Variants in C15orf39 observed in about 807,000 individuals in gnomAD.
The protein encoded by C15orf39 is PRMT2 interacting protein, also known as uncharacterized protein C15orf39.
Under a neutral mutation model 53.9 loss-of-function variants are expected in C15orf39, and 24 were observed. The ratio of observed to expected loss-of-function variants is 0.45; its 90% CI spans 0.32 to 0.63. The LOEUF is 0.63. Ranked by LOEUF, C15orf39 falls within the 20% of genes least tolerant of loss-of-function variation. The probability of loss-of-function intolerance (pLI) is 0.04; values close to 1 mark genes in which losing one functional copy is unlikely to be tolerated. For synonymous variants in C15orf39, 569 were observed against 576.5 expected (o/e 0.99, Z 0.19); for missense variants, 1,271 against 1,347.9 (o/e 0.94, Z 0.89).
chr15:75,204,753 G>A (rs1005093986), intron 1 of C15orf39, among the ~76,000 whole-genome samples: 4 of 152,122 alleles, frequency 2.6e-5, no homozygotes, highest in Non-Finnish European at 5.9e-5. Flanking sequence ...CAAATGATCC[G>A]CACACCTCGG....
chr15:75,206,980 A>G lies in C15orf39; in HGVS notation c.932A>G (p.Lys311Arg), dbSNP rs1169362230. ...CCACTGCAGCCTCTGGGGGGCCACA[A>G]GGGGACCGGGTACCAGGCTGGTGGG... ...ALPLQPLGGH[K>R]GTGYQAGGLG... is the part of the protein sequence containing the mutation. Residue 311 changes from lysine (K) to arginine (R), a missense_variant, in exon 2 of 3, where the codon AAG (lysine) becomes AGG (arginine). Lys to Arg is a conservative substitution (Grantham distance 26, BLOSUM62 2). Around this residue, in one of 2 missense-constraint regions of C15orf39, gnomAD observed 994 missense variants for 993.7 expected, o/e 1.00. Coordinates refer to ENST00000394987, the MANE Select transcript of C15orf39 (RefSeq NM_015492.5). The G allele has an allele frequency of 6.3e-7, 1 of 1,589,094 alleles. No individual in the cohort carries two copies. Among genetic ancestry groups the G allele is most frequent in the Admixed American group, 1.7e-5 (1 of 57,380 alleles).
At position 75,211,075 on chromosome 15, in the gene C15orf39, C is replaced by T; in HGVS notation, c.3103C>T (p.Pro1035Ser). The T allele has an allele frequency of 6.2e-7, 1 of 1,602,250 alleles. No individual in the cohort carries two copies. Among genetic ancestry groups the T allele is most frequent in the African/African-American group, 1.3e-5 (1 of 75,066 alleles). Residue 1035 changes from proline to serine, a missense_variant, in exon 3 of 3, where the codon CCC (proline) becomes TCC (serine). Physicochemically the swap from Pro to Ser is moderately conservative, Grantham distance 74. Coordinates refer to ENST00000394987, the MANE Select transcript of C15orf39 (RefSeq NM_015492.5). Reference protein sequence around the residue: ...HKSSRPDQPSPCPQLLDSQSH... With the variant: ...HKSSRPDQPSSCPQLLDSQSH... ...GTCCTCAAGACCAGACCAGCCCTCA[C>T]CCTGCCCACAGCTGCTGGACAGCCA...
Position 75,207,398 on chromosome 15 carries a change from C to T in C15orf39, c.1350C>T (p.Leu450=). 3 of 1,613,370 alleles carry T rather than the reference C, an allele frequency of 1.9e-6. No individual in the cohort carries two copies. In the South Asian group the frequency reaches 3.3e-5, roughly 18 times the overall value. ...TGCCCAGCTGCAGGAAAGAGAAGCT[C>T]CAGCCCCGGCTCAGTGAGCACTCTG... ...TWLPSCRKEK[L]QPRLSEHSGP... is the part of the protein sequence containing the mutation. The change falls in exon 2 of 3, where the codon CTC becomes CTT. Residue 450 remains leucine (L), a synonymous_variant. Transcript: ENST00000394987.
In C15orf39 at chr15:75,207,630, G is replaced by A. The variant is rs769167453; in HGVS notation, c.1582G>A (p.Asp528Asn). The change falls in exon 2 of 3, where the codon GAC becomes AAC. Residue 528 changes from aspartate (D) to asparagine (N), a missense_variant. By Grantham distance (23) the Asp-to-Asn change is conservative. Around this residue, in one of 2 missense-constraint regions of C15orf39, gnomAD observed 994 missense variants for 993.7 expected, o/e 1.00. Transcript: ENST00000394987. ...VPAPEATTEP[D>N]SATAEPDSAP... is the part of the protein sequence containing the mutation. The stretch of plus-strand genomic sequence containing the variant: ...GGCACCCGAGGCCACAACTGAGCCT[G>A]ACTCTGCCACAGCTGAGCCTGACTC... 1.9e-6 allele frequency: 3 copies of A among 1,612,248 alleles called. No homozygotes were observed. The highest frequency in any genetic ancestry group is 2.7e-5 in the African/African-American group (2 of 74,326).
At position 75,207,280 on chromosome 15, in the gene C15orf39, G is replaced by A. The variant is rs745675466; in HGVS notation, c.1232G>A (p.Gly411Asp). The change falls in exon 2 of 3, where the codon GGT (glycine) becomes GAT (aspartate). Residue 411 changes from glycine (G) to aspartate (D), a missense_variant. Physicochemically the swap from Gly to Asp is moderately conservative, Grantham distance 94. Coordinates refer to ENST00000394987, the MANE Select transcript of C15orf39 (RefSeq NM_015492.5). ...QNNVRAVPQP[G>D]AFQRACQPLP... ...AATGTGCGGGCTGTGCCACAGCCTG[G>A]TGCCTTCCAGAGGGCATGCCAGCCT... 1.2e-6 allele frequency: 2 copies of A among 1,613,462 alleles called. No individual in the cohort carries two copies. The highest frequency in any genetic ancestry group is 1.1e-5 in the South Asian group (1 of 91,076).
chr15:75,206,445 G>A lies in C15orf39; in HGVS notation c.397G>A (p.Val133Ile), dbSNP rs1258370555. The A allele has an allele frequency of 6.2e-7, 1 of 1,614,068 alleles. No homozygotes were observed. Among genetic ancestry groups the A allele is most frequent in the Admixed American group, 1.7e-5 (1 of 60,006 alleles). Reference sequence around the variant, plus strand: ...CCCACCACTGGCAGCACCCAAACCTGTCTACCGCAACCCTCTGTGCTATGG... The same window carrying A: ...CCCACCACTGGCAGCACCCAAACCTATCTACCGCAACCCTCTGTGCTATGG... ...PGPPLAAPKPVYRNPLCYGLS... is the reference protein window; with the variant it reads ...PGPPLAAPKPIYRNPLCYGLS... The change falls in exon 2 of 3, where the codon GTC (valine) becomes ATC (isoleucine). Residue 133 changes from valine (V) to isoleucine (I), a missense_variant. This residue lies in a region of C15orf39 where 994 missense variants were observed against 993.7 expected (regional missense o/e 1.00). Transcript: ENST00000394987.
intron 2 of C15orf39, chr15:75,209,617 G>C (rs755958092): frequency 6.6e-6 from 1 of 152,200 alleles, no homozygotes; most frequent in Non-Finnish European, 1.5e-5. Context: ...CTTCAGCTAG[G>C]GATCTGGTGA....
upstream of C15orf39, among the ~76,000 whole-genome samples, chr15:75,200,040 C>G (rs1466350020): frequency 1.3e-5 from 2 of 152,170 alleles, no homozygotes; most frequent in African/African-American, 4.8e-5. Context: ...ACTCTATGAG[C>G]TTCCTAGAGT....
Position 75,210,916 on chromosome 15 carries a change from G to A in C15orf39, c.2944G>A (p.Glu982Lys). The A allele has an allele frequency of 6.2e-7, 1 of 1,613,568 alleles. No individual in the cohort carries two copies. Among genetic ancestry groups the A allele is most frequent in the South Asian group, 1.1e-5 (1 of 91,076 alleles). ...GPEKAEAAAG[E>K]ESCGASPTPA... ...GGAGAAAGCAGAGGCAGCTGCTGGG[G>A]AAGAGTCCTGTGGTGCCTCCCCTAC... Residue 982 changes from glutamate (E) to lysine (K), a missense_variant, in exon 3 of 3, where the codon GAA becomes AAA. Physicochemically the swap from Glu to Lys is moderately conservative, Grantham distance 56. Around this residue, in one of 2 missense-constraint regions of C15orf39, gnomAD observed 277 missense variants for 354.1 expected, o/e 0.78. Transcript: ENST00000394987.
Position 75,206,309 on chromosome 15 carries a change from G to A in C15orf39, c.261G>A (p.Leu87=). Residue 87 remains leucine, a synonymous_variant, in exon 2 of 3, where the codon CTG becomes CTA. Coordinates refer to ENST00000394987, the MANE Select transcript of C15orf39 (RefSeq NM_015492.5). The part of the protein sequence containing the change: ...MAGPPLQADN[L]LTNCLFYRSP... ...GACCCCCACTTCAGGCAGACAACCT[G>A]CTGACCAACTGCCTGTTCTACCGCT... is the stretch of plus-strand genomic sequence containing the variant. The A allele has an allele frequency of 6.2e-7, 1 of 1,614,040 alleles. No individual in the cohort carries two copies. Among genetic ancestry groups the A allele is most frequent in the Non-Finnish European group, 8.5e-7 (1 of 1,179,982 alleles).
At chr15:75,209,517 T>G (rs528267478) in intron 2 of C15orf39, 1 of 152,386 alleles carries the variant, frequency 6.6e-6, no homozygotes, top group African/African-American at 2.4e-5. Flanking sequence ...TACTAAATGA[T>G]GTGCCTGCTG....
Position 75,206,397 on chromosome 15 carries a change from C to T in C15orf39, c.349C>T (p.Pro117Ser). 6.2e-7 allele frequency: 1 copy of T among 1,613,984 alleles called. No individual in the cohort carries two copies. Among genetic ancestry groups the T allele is most frequent in the African/African-American group, 1.3e-5 (1 of 75,022 alleles). ...SSPVELLPFS[P>S]QAHSYPGPPL... ...CCCTGTTGAGCTCCTGCCCTTCAGT[C>T]CCCAGGCTCACTCCTACCCAGGCCC... The change falls in exon 2 of 3, where the codon CCC (proline) becomes TCC (serine). Residue 117 changes from proline (P) to serine (S), a missense_variant. Around this residue, in one of 2 missense-constraint regions of C15orf39, gnomAD observed 994 missense variants for 993.7 expected, o/e 1.00. Transcript: ENST00000394987.
Position 75,206,337 on chromosome 15 carries a change from C to T in C15orf39, c.289C>T (p.Pro97Ser), listed in dbSNP as rs1048857623. ...LLTNCLFYRS[P>S]AEGPEKMQDS... ...GACCAACTGCCTGTTCTACCGCTCG[C>T]CAGCAGAAGGCCCTGAGAAGATGCA... Residue 97 changes from proline (P) to serine (S), a missense_variant, in exon 2 of 3, where the codon CCA becomes TCA. This residue lies in a region of C15orf39 where 994 missense variants were observed against 993.7 expected (regional missense o/e 1.00). Transcript: ENST00000394987. 2 of 1,614,118 alleles carry T rather than the reference C, an allele frequency of 1.2e-6. No individual in the cohort carries two copies. Among genetic ancestry groups the T allele is most frequent in the Middle Eastern group, 3.3e-4 (2 of 6,062 alleles).
rs995030508 is a variant in C15orf39 at position 75,211,156 on chromosome 15, A to G, written c.*40A>G. Reference sequence around the variant, plus strand: ...GCTGTGTGTATAGCAGTCACTCTCCACCCTTCCCTTCTGCCTGCCCAGCTG... The same window carrying G: ...GCTGTGTGTATAGCAGTCACTCTCCGCCCTTCCCTTCTGCCTGCCCAGCTG... On this transcript the variant is annotated 3_prime_UTR_variant, in exon 3 of 3. Transcript: ENST00000394987. The G allele has an allele frequency of 6.5e-7, 1 of 1,538,176 alleles. No homozygotes were observed. The highest frequency in any genetic ancestry group is 1.4e-5 in the African/African-American group (1 of 73,532).
chr15:75,206,854 A>ACCCCCCCCCCCCCCCCCCCCCCCCCC lies in C15orf39; in HGVS notation c.809_810insCCCCCCCCCCCCCCCCCCCCCCCCCC (p.His273ProfsTer62). ...TGTCAGGACACCGGGCCCACCCACT[A>ACCCCCCCCCCCCCCCCCCCCCCCCCC]CCCACCACCCCACCACCCACCACCC... On this transcript the variant is annotated frameshift_variant, in exon 2 of 3. Transcript: ENST00000394987. LOFTEE classifies it high-confidence loss of function. 1 of 1,432,802 alleles carries ACCCCCCCCCCCCCCCCCCCCCCCCCC rather than the reference A, an allele frequency of 7.0e-7. No individual in the cohort carries two copies. Among genetic ancestry groups the ACCCCCCCCCCCCCCCCCCCCCCCCCC allele is most frequent in the Non-Finnish European group, 9.4e-7 (1 of 1,060,038 alleles). 88.8% of individuals were successfully genotyped at this position (1,432,802 alleles called of 1,614,324 possible).
chr15:75,204,486 C>CT (rs1157930502), intron 1 of C15orf39, among the ~76,000 whole-genome samples: 21 of 151,410 alleles, frequency 1.4e-4, no homozygotes, highest in Middle Eastern at 3.4e-3. Flanking sequence ...CTTTTCTTTT[C>CT]TTTTTTTTTG....
rs2070448385 is a variant in C15orf39 at position 75,207,396 on chromosome 15, C to T, written c.1348C>T (p.Leu450Phe). ...GCTGCCCAGCTGCAGGAAAGAGAAG[C>T]TCCAGCCCCGGCTCAGTGAGCACTC... Reference protein sequence around the residue: ...TWLPSCRKEKLQPRLSEHSGP... With the variant: ...TWLPSCRKEKFQPRLSEHSGP... Residue 450 changes from leucine to phenylalanine, a missense_variant, in exon 2 of 3, where the codon CTC becomes TTC. Coordinates refer to ENST00000394987, the MANE Select transcript of C15orf39 (RefSeq NM_015492.5). 6.2e-7 allele frequency: 1 copy of T among 1,613,378 alleles called. No homozygotes were observed. Among genetic ancestry groups the T allele is most frequent in the South Asian group, 1.1e-5 (1 of 91,090 alleles).
In C15orf39 at chr15:75,208,643, G is replaced by A. The variant is rs770640706; in HGVS notation, c.2595G>A (p.Val865=). ...TGCCACCCGCTTCTGTGGACCATGTGCTGCAGGAGCATCGTGTGGAGCTGC... is the reference window on the plus strand; with the variant it reads ...TGCCACCCGCTTCTGTGGACCATGTACTGCAGGAGCATCGTGTGGAGCTGC... ...PRLPPASVDH[V]LQEHRVELRP... is the part of the protein sequence containing the mutation. Residue 865 remains valine (V), a synonymous_variant, in exon 2 of 3, where the codon GTG becomes GTA. Transcript: ENST00000394987. 6.2e-7 allele frequency: 1 copy of A among 1,603,582 alleles called. No individual in the cohort carries two copies. Among genetic ancestry groups the A allele is most frequent in the Non-Finnish European group, 8.5e-7 (1 of 1,176,502 alleles).
Position 75,208,443 on chromosome 15 carries a change from C to G in C15orf39, c.2395C>G (p.Pro799Ala). 1 of 1,604,254 alleles carries G rather than the reference C, an allele frequency of 6.2e-7. No individual in the cohort carries two copies. Among genetic ancestry groups the G allele is most frequent in the Non-Finnish European group, 8.5e-7 (1 of 1,178,282 alleles). Residue 799 changes from proline to alanine, a missense_variant, in exon 2 of 3, where the codon CCC (proline) becomes GCC (alanine). Physicochemically the swap from Pro to Ala is conservative, Grantham distance 27 (BLOSUM62 -1). Around this residue, in one of 2 missense-constraint regions of C15orf39, gnomAD observed 277 missense variants for 354.1 expected, o/e 0.78. Transcript: ENST00000394987. ...TCGCGAGTGGCTAGAGACGGCTGGGCCCTGGGGCCAGGCTGCGTGGCAGGA... is the reference window on the plus strand; with the variant it reads ...TCGCGAGTGGCTAGAGACGGCTGGGGCCTGGGGCCAGGCTGCGTGGCAGGA... ...KLREWLETAG[P>A]WGQAAWQDCQ...
Sources: gnomAD v4.1 joint callset for allele counts (sites outside exome capture counted in the v4.1 genomes callset) on GRCh38, gnomAD v4.1.1 for gene constraint, gnomAD v4.1.1 regional missense constraint, MANE v1.5 for transcripts, NCBI Gene and HGNC (gene_info 2026-07-23, HGNC 2026-07-21) for gene names.